The following TBC1D14 variants were observed in gnomAD, a reference collection of about 807,000 sequenced individuals.
TBC1D14 encodes the protein TBC1 domain family member 14.
In TBC1D14, 26 loss-of-function variants were observed where a neutral mutation model predicts 79.0. The ratio of observed to expected loss-of-function variants is 0.33; its 90% CI spans 0.24 to 0.46. The LOEUF is 0.46. Ranked by LOEUF, TBC1D14 falls within the 20% of genes least tolerant of loss-of-function variation. The pLI is 1.00. For synonymous variants in TBC1D14, 394 were observed against 349.9 expected, an observed-to-expected ratio of 1.13 and a Z score of -1.40; for missense variants, 769 against 887.6, an observed-to-expected ratio of 0.87 and a Z score of 1.70.
chr4:6,923,709 T>TGCCATCCTGTGCGCC lies in TBC1D14; in HGVS notation c.321_335dup (p.Ser109_Pro113dup). 6.2e-7 allele frequency: 1 copy of TGCCATCCTGTGCGCC among 1,613,838 alleles called. No homozygotes were observed. ...CGGGCCTTCCAGAGCGCCTGCGCGC[T>TGCCATCCTGTGCGCC]GCCATCCTGTGCGCCACCAGCTCCT... On this transcript the variant is annotated inframe_insertion, in exon 2 of 14. Transcript: ENST00000409757.
intron 3 of TBC1D14, among the ~76,000 whole-genome samples, chr4:6,968,994 C>T (rs1715973776): frequency 6.6e-6 from 1 of 152,126 alleles, no homozygotes; most frequent in African/African-American, 2.4e-5. Flanking sequence ...GGCGGGAGCG[C>T]AGTGTTGAGG....
rs1375498522 is a variant in TBC1D14 at position 7,032,611 on chromosome 4, A to G, written c.*2219A>G. On this transcript the variant is annotated 3_prime_UTR_variant, in exon 14 of 14. Transcript: ENST00000409757. ...TTCAGGGGTCACATGAGGTCTCGCC[A>G]GTTTCCTGGGTCCTCTTCAGAGGCC... 6.6e-6 allele frequency: 1 copy of G among 152,218 alleles called. No homozygotes were observed. The highest frequency in any genetic ancestry group is 2.4e-5 in the African/African-American group (1 of 41,438). 9.4% of individuals were successfully genotyped at this position (152,218 alleles called of 1,614,324 possible).
chr4:7,012,021 C>T (rs1720829291), intron 11 of TBC1D14, among the ~76,000 whole-genome samples: 1 of 151,920 alleles, frequency 6.6e-6, no homozygotes, highest in Admixed American at 6.6e-5. Context: ...TGTTGGTTGG[C>T]CGGGCATGGT....
At chr4:6,916,872 G>T (rs568082914) in intron 1 of TBC1D14, among the ~76,000 whole-genome samples, 4 of 152,254 alleles carry the variant, frequency 2.6e-5, no homozygotes, top group Admixed American at 6.5e-5. Flanking sequence ...CGTTCCTCCT[G>T]TGCCTTGGGC....
At chr4:6,926,515 G>A (rs971049035) in intron 2 of TBC1D14, among the ~76,000 whole-genome samples, 17 of 152,176 alleles carry the variant, frequency 1.1e-4, no homozygotes, top group African/African-American at 3.6e-4. Flanking sequence ...CCTTATCCTC[G>A]TTGTGATGGC....
At chr4:6,928,888 A>G (rs1442180488) in intron 2 of TBC1D14, among the ~76,000 whole-genome samples, 1 of 152,222 alleles carries the variant, frequency 6.6e-6, no homozygotes, top group Non-Finnish European at 1.5e-5. Context: ...CACTGGGCAC[A>G]TCGCAGCATG....
chr4:6,924,793 C>A (rs1724154546), intron 2 of TBC1D14, among the ~76,000 whole-genome samples: 1 of 152,174 alleles, frequency 6.6e-6, no homozygotes, highest in Non-Finnish European at 1.5e-5. Flanking sequence ...TGCTTTTGTT[C>A]AACAAGTGCC....
intron 2 of TBC1D14, among the ~76,000 whole-genome samples, chr4:6,932,315 C>G (rs12646620): frequency 6.6e-6 from 1 of 150,454 alleles, no homozygotes; most frequent in East Asian, 2.0e-4. Context: ...GAGGTTGCAG[C>G]GAGCCAAGAT....
chr4:7,000,413 T>A (rs1719541975), intron 6 of TBC1D14, among the ~76,000 whole-genome samples: 1 of 152,150 alleles, frequency 6.6e-6, no homozygotes, highest in Non-Finnish European at 1.5e-5. Context: ...TTCGAGAGGA[T>A]GGTATAGGTT....
intron 3 of TBC1D14, among the ~76,000 whole-genome samples, chr4:6,979,636 A>G (rs954146340): frequency 1.1e-4 from 16 of 152,172 alleles, no homozygotes; most frequent in African/African-American, 3.1e-4. Flanking sequence ...ACACAAAACC[A>G]TAGACCCAAC....
chr4:6,937,512 A>T (rs73086413), intron 2 of TBC1D14, among the ~76,000 whole-genome samples: 1 of 151,968 alleles, frequency 6.6e-6, no homozygotes, highest in Admixed American at 6.5e-5. Flanking sequence ...AGCAGTGGGG[A>T]TGGTGTGCTG....
chr4:6,934,308 G>C (rs1326375469), intron 2 of TBC1D14, among the ~76,000 whole-genome samples: 2 of 152,024 alleles, frequency 1.3e-5, no homozygotes, highest in African/African-American at 4.8e-5. Flanking sequence ...GCACGAGTGT[G>C]GGGTCTGGAA....
At chr4:6,958,376 T>TATACAC (rs538972596) in intron 2 of TBC1D14, among the ~76,000 whole-genome samples, 225 of 149,220 alleles carry the variant, frequency 1.5e-3, no homozygotes, top group Admixed American at 3.8e-3. Flanking sequence ...TCCCCACATA[T>TATACAC]ACACACACAC....
chr4:7,030,151 G>A (rs1449105766), intron 13 of TBC1D14, among the ~76,000 whole-genome samples, 176 bp from the exon 14 acceptor site: 2 of 152,210 alleles, frequency 1.3e-5, no homozygotes, highest in Admixed American at 1.3e-4. Flanking sequence ...ACGGGCAGGT[G>A]TCCATGTTGG....
chr4:6,973,266 C>G (rs1716375996), intron 3 of TBC1D14, among the ~76,000 whole-genome samples: 1 of 151,750 alleles, frequency 6.6e-6, no homozygotes, highest in African/African-American at 2.4e-5. Context: ...GACATTTTCT[C>G]TCCTCACCTC....
intron 5 of TBC1D14, among the ~76,000 whole-genome samples, chr4:6,998,409 C>G (rs1719292822): frequency 6.6e-6 from 1 of 151,256 alleles, no homozygotes; most frequent in African/African-American, 2.4e-5. Flanking sequence ...CAGCATGGAG[C>G]TTGCATTTGG....
At chr4:6,976,061 C>T (rs867964771) in intron 3 of TBC1D14, among the ~76,000 whole-genome samples, 1 of 152,152 alleles carries the variant, frequency 6.6e-6, no homozygotes, top group African/African-American at 2.4e-5. Context: ...CCACTGCACT[C>T]CATTCTGGGT....
intron 2 of TBC1D14, among the ~76,000 whole-genome samples, chr4:6,961,639 C>T (rs1429534485): frequency 2.0e-5 from 3 of 152,178 alleles, no homozygotes; most frequent in African/African-American, 7.2e-5. Flanking sequence ...GCCACAAAAA[C>T]AGGTGCAAGT....
intron 13 of TBC1D14, among the ~76,000 whole-genome samples, chr4:7,027,769 CAT>C (rs1441815141): frequency 7.0e-6 from 1 of 143,752 alleles, no homozygotes; most frequent in Non-Finnish European, 1.5e-5. Context: ...ACCCCACACA[CAT>C]CACACATCCA....
Sources: allele counts gnomAD v4.1 joint callset (sites outside exome capture counted in the v4.1 genomes callset), GRCh38; gene constraint gnomAD v4.1.1; transcripts MANE v1.5; gene names NCBI Gene and HGNC (gene_info 2026-07-23, HGNC 2026-07-21).